ERCC8: variants seen among roughly 807,000 people sequenced by gnomAD.
ERCC8 encodes DNA excision repair protein ERCC-8.
ERCC8 carries 52 observed loss-of-function variants against 54.9 expected under a neutral mutation model. The observed-to-expected ratio is 0.95, with a 90% CI of 0.76 to 1.19. The LOEUF (loss-of-function observed/expected upper bound fraction) is 1.19. ERCC8 is among the 50% of genes most tolerant of loss of function. The probability of loss-of-function intolerance (pLI) is 0.00; values close to 1 mark genes in which losing one functional copy is unlikely to be tolerated. For synonymous variants in ERCC8, 146 were observed against 157.2 expected (o/e 0.93, Z 0.53); for missense variants, 514 against 466.1 (o/e 1.10, Z -0.95).
At chr5:60,899,866 T>C (rs1748825589) in intron 7 of ERCC8, 139 bp from the exon 8 acceptor site, 1 of 648,840 alleles carries the variant, frequency 1.5e-6, no homozygotes, top group African/African-American at 1.8e-5. Context: ...TTGTTGAACT[T>C]TTGCCTTTTC....
chr5:60,942,337 A>G (rs1188689088), intron 1 of ERCC8, among the ~76,000 whole-genome samples: 2 of 152,176 alleles, frequency 1.3e-5, no homozygotes, highest in African/African-American at 4.8e-5. Flanking sequence ...ATGTTCATAC[A>G]ATGACTCATA....
intron 9 of ERCC8, among the ~76,000 whole-genome samples, chr5:60,891,727 A>C (rs1748565944): frequency 6.6e-6 from 1 of 151,808 alleles, no homozygotes; most frequent in Non-Finnish European, 1.5e-5. Context: ...GGTTAAATAA[A>C]GGGTATTGGG....
intron 9 of ERCC8, chr5:60,893,072 G>C (rs1748613714): frequency 1.3e-6 from 1 of 777,934 alleles, no homozygotes; most frequent in Non-Finnish European, 2.4e-6. Context: ...TGGGGTCCAG[G>C]TCAATCTTTT....
intron 7 of ERCC8, among the ~76,000 whole-genome samples, chr5:60,901,562 C>T (rs1044475288): frequency 6.6e-6 from 1 of 151,990 alleles, no homozygotes; most frequent in African/African-American, 2.4e-5. Context: ...CAAGAGAAGC[C>T]GTTAAGTCTG....
intron 4 of ERCC8, among the ~76,000 whole-genome samples, chr5:60,912,554 T>C (rs1322679666): frequency 1.3e-5 from 2 of 152,104 alleles, no homozygotes; most frequent in Admixed American, 6.6e-5. Context: ...GAACTTGACT[T>C]CCTCTTTTCC....
At chr5:60,909,274 A>AAAAAAAAAAAAAC (rs1749179972) in intron 4 of ERCC8, among the ~76,000 whole-genome samples, 1 of 123,332 alleles carries the variant, frequency 8.1e-6, no homozygotes, top group African/African-American at 2.9e-5. Flanking sequence ...AAAAAAAAAA[A>AAAAAAAAAAAAAC]AAAAGCCACA....
intron 10 of ERCC8, among the ~76,000 whole-genome samples, chr5:60,887,803 T>C (rs1341699700): frequency 1.3e-5 from 2 of 152,240 alleles, no homozygotes; most frequent in African/African-American, 4.8e-5. Context: ...AGTATCCATA[T>C]ATTTCTAATG....
Position 60,945,027 on chromosome 5 carries a change from C to CA in ERCC8, c.-20_-19insT. 1 of 1,607,630 alleles carries CA rather than the reference C, an allele frequency of 6.2e-7. No individual in the cohort carries two copies. Among genetic ancestry groups the CA allele is most frequent in the Non-Finnish European group, 8.5e-7 (1 of 1,174,092 alleles). ...CCAGCATATCGTGTCCTCACACCGG[C>CA]TGGAGCACTGGACGTCGCCATGACA... On this transcript the variant is annotated 5_prime_UTR_variant, in exon 1 of 12. In the 5' UTR this introduces an upstream ATG that the reference lacks. Transcript: ENST00000676185.
At chr5:60,918,935 A>G (rs1349763792) in intron 3 of ERCC8, among the ~76,000 whole-genome samples, 1 of 152,026 alleles carries the variant, frequency 6.6e-6, no homozygotes, top group Non-Finnish European at 1.5e-5. Flanking sequence ...AACATGTTGA[A>G]GACTCTATGA....
chr5:60,904,634 G>GTGTA (rs1406862264), intron 5 of ERCC8, among the ~76,000 whole-genome samples, 158 bp downstream of exon 5: 45 of 49,906 alleles, frequency 9.0e-4, no homozygotes, highest in South Asian at 3.2e-3. Flanking sequence ...GTGTGTGTGT[G>GTGTA]TATATATATA....
chr5:60,892,765 G>C, intron 9 of ERCC8: 1 of 690,322 alleles, frequency 1.4e-6, no homozygotes, highest in South Asian at 1.6e-5. Flanking sequence ...GGAGCATCCA[G>C]CAGCCGGATG....
chr5:60,940,517 T>C (rs902407614), intron 1 of ERCC8, among the ~76,000 whole-genome samples: 2 of 152,128 alleles, frequency 1.3e-5, no homozygotes, highest in African/African-American at 4.8e-5. Context: ...CCCAGAGAAC[T>C]GGGAAGCATC....
chr5:60,867,160 A>G lies in ERCC8; in HGVS notation c.*7455T>C, dbSNP rs1747770014. 6.6e-6 allele frequency among the ~76,000 whole-genome samples: 1 copy of G among 152,160 alleles called. No individual in the cohort carries two copies. Among genetic ancestry groups the G allele is most frequent in the South Asian group, 2.1e-4 (1 of 4,828 alleles). On this transcript the variant is annotated 3_prime_UTR_variant, in exon 12 of 12. Transcript: ENST00000676185. ...CCTTCCTTCATTTTTAACCAATGAA[A>G]AAAGAAGGAAAAAAAATATCCAAAT...
At chr5:60,896,601 C>A (rs1169331849) in intron 9 of ERCC8, among the ~76,000 whole-genome samples, 1 of 152,118 alleles carries the variant, frequency 6.6e-6, no homozygotes, top group Non-Finnish European at 1.5e-5. Context: ...GTGTGTTTCC[C>A]CTTAAAGTAA....
chr5:60,891,152 G>C (rs1748536914), intron 9 of ERCC8, 66 bp from the exon 10 acceptor site: 5 of 1,015,908 alleles, frequency 4.9e-6, no homozygotes, highest in Non-Finnish European at 6.0e-6. Flanking sequence ...ACAAAGCCTA[G>C]GAGAAATACT....
intron 1 of ERCC8, among the ~76,000 whole-genome samples, 172 bp downstream of exon 1, chr5:60,944,760 G>T (rs1342315096): frequency 4.1e-5 from 2 of 48,670 alleles, no homozygotes; most frequent in Admixed American, 3.2e-4. Flanking sequence ...CCGCCTGCAA[G>T]TTGTTACCAG....
At chr5:60,886,077 C>T (rs1281187776) in intron 11 of ERCC8, among the ~76,000 whole-genome samples, 1 of 149,250 alleles carries the variant, frequency 6.7e-6, no homozygotes, top group African/African-American at 2.5e-5. Context: ...TATATATATA[C>T]AAACATTGTT....
intron 2 of ERCC8, among the ~76,000 whole-genome samples, chr5:60,923,145 CT>C (rs1376194390): frequency 6.6e-6 from 1 of 151,872 alleles, no homozygotes; most frequent in Non-Finnish European, 1.5e-5. Context: ...TTAGCAGTAT[CT>C]TTTTTTGGAA....
At position 60,890,940 on chromosome 5, in the gene ERCC8, A is replaced by C. The variant is rs766822890; in HGVS notation, c.990T>G (p.Leu330=). The C allele has an allele frequency of 8.1e-6, 13 of 1,613,594 alleles. No homozygotes were observed. Among genetic ancestry groups the C allele is most frequent in the Non-Finnish European group, 1.1e-5 (13 of 1,179,684 alleles). ...AGTCAACAGTTTTATAATGTCCCTT[A>C]AGCATAGTTATCTGTTCTCCTGAGT... ...TVYSGEQITM[L]KGHYKTVDCC... Residue 330 remains leucine (L), a synonymous_variant, in exon 10 of 12, where the codon CTT becomes CTG. Transcript: ENST00000676185.
Sources: allele counts gnomAD v4.1 joint callset (sites outside exome capture counted in the v4.1 genomes callset), GRCh38; gene constraint gnomAD v4.1.1; transcripts MANE v1.5; gene names NCBI Gene and HGNC (gene_info 2026-07-23, HGNC 2026-07-21).